PRIM2: variants seen among roughly 807,000 people sequenced by gnomAD.
PRIM2 encodes DNA primase subunit 2.
Under a neutral mutation model 67.3 loss-of-function variants are expected in PRIM2, and 39 were observed. The observed-to-expected ratio is 0.58, with a 90% CI of 0.45 to 0.76. PRIM2 has a LOEUF of 0.76. PRIM2 is among the 30% of genes least tolerant of loss of function. The pLI, the probability that PRIM2 is intolerant of heterozygous loss-of-function variation, is 0.00. For missense variants in PRIM2, 398 were observed against 598.7 expected, an observed-to-expected ratio of 0.66 and a Z score of 3.50; for synonymous variants, 143 against 198.7, an observed-to-expected ratio of 0.72 and a Z score of 2.36.
chr6:57,302,282 GAGAT>G, the PRIM2 span, among the ~76,000 whole-genome samples: 2 of 152,178 alleles, frequency 1.3e-5, no homozygotes, highest in African/African-American at 4.8e-5. Flanking sequence ...TATGGATAGA[GAGAT>G]AGATAGAGTC....
chr6:57,248,308 C>G, the PRIM2 span, among the ~76,000 whole-genome samples: 60 of 152,234 alleles, frequency 3.9e-4, no homozygotes, highest in Admixed American at 2.0e-3. Context: ...TAAATCACAC[C>G]TATTAACTTA....
At chr6:57,507,743 G>C (rs1774279777) in intron 8 of PRIM2, among the ~76,000 whole-genome samples, 1 of 152,016 alleles carries the variant, frequency 6.6e-6, no homozygotes, top group South Asian at 2.1e-4. Flanking sequence ...TCAAATGAAT[G>C]AGCTATTTAC....
intron 7 of PRIM2, among the ~76,000 whole-genome samples, chr6:57,502,953 G>A (rs1388329397): frequency 6.6e-5 from 10 of 152,134 alleles, no homozygotes; most frequent in Non-Finnish European, 1.3e-4. Context: ...AAAGAGAAAC[G>A]CGTATGACTC....
intron 9 of PRIM2, among the ~76,000 whole-genome samples, chr6:57,536,392 C>T (rs1325185713): frequency 6.6e-6 from 1 of 152,222 alleles, no homozygotes. Context: ...GTTTCTTTAA[C>T]ATATTTATTT....
the PRIM2 span, among the ~76,000 whole-genome samples, chr6:57,309,635 T>C: frequency 6.6e-6 from 1 of 152,176 alleles, no homozygotes; most frequent in Non-Finnish European, 1.5e-5. Context: ...TACGTGTGCA[T>C]GTGTCTTTAC....
chr6:57,311,551 G>A (rs931926824), upstream of PRIM2, among the ~76,000 whole-genome samples: 3 of 152,142 alleles, frequency 2.0e-5, no homozygotes, highest in Non-Finnish European at 4.4e-5. Flanking sequence ...TAGAGGGGGC[G>A]GCGGGGCAGA....
chr6:57,237,133 T>C, the PRIM2 span, among the ~76,000 whole-genome samples: 1 of 151,962 alleles, frequency 6.6e-6, no homozygotes, highest in Non-Finnish European at 1.5e-5. Flanking sequence ...AGTATCTCAT[T>C]GTGGTTTTGA....
At chr6:57,600,811 C>T (rs1262501422) in intron 10 of PRIM2, among the ~76,000 whole-genome samples, 1 of 152,162 alleles carries the variant, frequency 6.6e-6, no homozygotes, top group African/African-American at 2.4e-5. Flanking sequence ...TTATTCTTCT[C>T]AGGAAAAGAT....
At position 57,452,373 on chromosome 6, in the gene PRIM2, T is replaced by C. The variant is rs1318939946; in HGVS notation, c.694-55014T>C. On this transcript the variant is annotated intron_variant, in intron 7 of 13. Transcript: ENST00000615550. ...GGAATCACCACACTGACTTCCACAA[T>C]GGTTGAACTAGTTTACAGTCCCACC... 5.3e-5 allele frequency among the ~76,000 whole-genome samples: 8 copies of C among 152,326 alleles called. No homozygotes were observed. In the East Asian group the frequency reaches 1.5e-3, roughly 29 times the overall value.
the PRIM2 span, among the ~76,000 whole-genome samples, chr6:57,258,994 A>G: frequency 1.8e-4 from 28 of 152,214 alleles, no homozygotes; most frequent in Non-Finnish European, 2.9e-5. Flanking sequence ...AATATTGACC[A>G]TAACTTACAG....
At chr6:57,602,829 T>C (rs1170978330) in intron 11 of PRIM2, among the ~76,000 whole-genome samples, 1 of 152,244 alleles carries the variant, frequency 6.6e-6, no homozygotes, top group Non-Finnish European at 1.5e-5. Flanking sequence ...TTACTTATTC[T>C]GTTTTTAAAA....
At chr6:57,272,199 C>T in the PRIM2 span, among the ~76,000 whole-genome samples, 5 of 152,134 alleles carry the variant, frequency 3.3e-5, no homozygotes, top group East Asian at 3.9e-4. Flanking sequence ...CTTTCTGTCT[C>T]GTTGATCTTT....
At chr6:57,374,445 C>T (rs1769682996) in intron 5 of PRIM2, among the ~76,000 whole-genome samples, 1 of 150,630 alleles carries the variant, frequency 6.6e-6, no homozygotes, top group Non-Finnish European at 1.5e-5. Flanking sequence ...AGGCGCGCGC[C>T]ACCATGCCCG....
At chr6:57,282,718 A>G in the PRIM2 span, among the ~76,000 whole-genome samples, 1 of 152,214 alleles carries the variant, frequency 6.6e-6, no homozygotes. Flanking sequence ...GACACAAGAG[A>G]GAAGACAGCC....
At chr6:57,603,835 G>A (rs1166148603) in intron 11 of PRIM2, among the ~76,000 whole-genome samples, 80 of 151,952 alleles carry the variant, frequency 5.3e-4, no homozygotes, top group African/African-American at 1.9e-3. Context: ...TTTCCTGTTT[G>A]TGTTGTCTCT....
the PRIM2 span, among the ~76,000 whole-genome samples, chr6:57,278,398 TC>T: frequency 1.3e-5 from 2 of 152,192 alleles, no homozygotes; most frequent in Non-Finnish European, 2.9e-5. Flanking sequence ...AAGTCTGTTA[TC>T]CAAAACCATC....
intron 8 of PRIM2, among the ~76,000 whole-genome samples, chr6:57,512,688 A>C (rs1554347821): frequency 7.9e-5 from 12 of 151,848 alleles, no homozygotes; most frequent in African/African-American, 2.7e-4. Context: ...ACCTCCTCCT[A>C]CTGGGTTCAA....
intron 5 of PRIM2, among the ~76,000 whole-genome samples, chr6:57,354,412 GA>G (rs1768963111): frequency 1.3e-5 from 2 of 152,122 alleles, no homozygotes; most frequent in South Asian, 4.1e-4. Context: ...TTCAGCAAAT[GA>G]AATTGAGCTT....
At chr6:57,539,266 A>G (rs1775082809) in intron 10 of PRIM2, among the ~76,000 whole-genome samples, 2 of 152,164 alleles carry the variant, frequency 1.3e-5, no homozygotes, top group African/African-American at 4.8e-5. Flanking sequence ...AATTACTGTC[A>G]ACATTGAAGC....
Sources: gnomAD v4.1 joint callset for allele counts (sites outside exome capture counted in the v4.1 genomes callset) on GRCh38, gnomAD v4.1.1 for gene constraint, MANE v1.5 for transcripts, NCBI Gene and HGNC (gene_info 2026-07-23, HGNC 2026-07-21) for gene names.